RRN3: variants seen among roughly 807,000 people sequenced by gnomAD.
RRN3 encodes RNA polymerase I transcription factor RRN3, also known as RNA polymerase I-specific transcription initiation factor RRN3.
In RRN3, 38 loss-of-function variants were observed where a neutral mutation model predicts 82.3. The observed-to-expected ratio is 0.46, with a 90% CI of 0.36 to 0.61. The LOEUF is 0.61. RRN3 is among the 20% of genes least tolerant of loss of function. RRN3 has a pLI of 0.00. For missense variants in RRN3, 726 were observed against 793.1 expected (o/e 0.92, Z 1.02); for synonymous variants, 284 against 284.3 (o/e 1.00, Z 0.01).
At position 15,083,514 on chromosome 16, in the gene RRN3, A is replaced by G. The variant is rs760852507; in HGVS notation, c.665T>C (p.Leu222Pro). 17 of 1,609,612 alleles carry G rather than the reference A, an allele frequency of 1.1e-5. No individual in the cohort carries two copies. In the South Asian group the frequency reaches 1.6e-4, roughly 15 times the overall value. The change falls in exon 8 of 18, where the codon CTG (leucine) becomes CCG (proline). Residue 222 changes from leucine (L) to proline (P), a missense_variant and splice_region_variant. By Grantham distance (98) the Leu-to-Pro change is moderately conservative. Transcript: ENST00000198767. ...GTTCTCAATGAAAAGATTTCTTACC[A>G]GTGTTCTCTCTGATTTTCGAACAAA... ...FPFVRKSERT[L>P]ECYVHNLLRI...
chr16:15,073,036 T>C lies in RRN3; in HGVS notation c.1042A>G (p.Ile348Val). 1 of 1,613,174 alleles carries C rather than the reference T, an allele frequency of 6.2e-7. No homozygotes were observed. The highest frequency in any genetic ancestry group is 1.1e-5 in the South Asian group (1 of 90,638). ...GKTKDLYRDL[I>V]NIFDKLLLPT... Reference sequence around the variant, plus strand: ...AACAGGAGTTTGTCAAAGATGTTTATCAGGTCGCGATATAGATCCTTTGTT... The same window carrying C: ...AACAGGAGTTTGTCAAAGATGTTTACCAGGTCGCGATATAGATCCTTTGTT... Residue 348 changes from isoleucine to valine, a missense_variant, in exon 12 of 18, where the codon ATA becomes GTA. Physicochemically the swap from Ile to Val is conservative, Grantham distance 29. This residue lies in a region of RRN3 where 344 missense variants were observed against 394.5 expected (regional missense o/e 0.87). Transcript: ENST00000198767.
At position 15,074,738 on chromosome 16, in the gene RRN3, C is replaced by T. The variant is rs200332749; in HGVS notation, c.982G>A (p.Val328Ile). 3.1e-6 allele frequency: 5 copies of T among 1,613,570 alleles called. No homozygotes were observed. Among genetic ancestry groups the T allele is most frequent in the Non-Finnish European group, 4.2e-6 (5 of 1,179,806 alleles). ...MSLVLSYMKD[V>I]CYVDGKVDNG... Reference sequence around the variant, plus strand: ...TGTGATTTACCATCTACATAGCAGACATCCTTCATGTAGGACAAAACCAAA... The same window carrying T: ...TGTGATTTACCATCTACATAGCAGATATCCTTCATGTAGGACAAAACCAAA... The change falls in exon 11 of 18, where the codon GTC becomes ATC. Residue 328 changes from valine (V) to isoleucine (I), a missense_variant. By Grantham distance (29) the Val-to-Ile change is conservative. Coordinates refer to ENST00000198767, the MANE Select transcript of RRN3 (RefSeq NM_018427.5).
chr16:15,065,795 G>A (rs1359333565), intron 15 of RRN3, among the ~76,000 whole-genome samples: 2 of 152,096 alleles, frequency 1.3e-5, no homozygotes, highest in South Asian at 2.1e-4. Flanking sequence ...AGTTACTCAG[G>A]AGGAAATAGT....
intron 1 of RRN3, among the ~76,000 whole-genome samples, chr16:15,092,914 G>A (rs560939875): frequency 1.3e-5 from 2 of 152,090 alleles, no homozygotes; most frequent in East Asian, 1.9e-4. Flanking sequence ...CAGCCATAAC[G>A]TCTTTTCTGC....
intron 12 of RRN3, among the ~76,000 whole-genome samples, chr16:15,072,157 TC>T (rs1235210524): frequency 1.3e-5 from 2 of 151,552 alleles, no homozygotes; most frequent in African/African-American, 4.9e-5. Flanking sequence ...AATTCAACCT[TC>T]TTTCCCATGA....
At chr16:15,063,035 G>C (rs1328284905) in intron 17 of RRN3, among the ~76,000 whole-genome samples, 161 bp downstream of exon 17, 1 of 152,144 alleles carries the variant, frequency 6.6e-6, no homozygotes, top group Non-Finnish European at 1.5e-5. Context: ...GTAGAAACAG[G>C]GTGTCACTGT....
At chr16:15,091,490 A>C (rs1362706061) in intron 2 of RRN3, 119 bp from the exon 3 acceptor site, 9 of 687,150 alleles carry the variant, frequency 1.3e-5, no homozygotes, top group Non-Finnish European at 2.0e-5. Flanking sequence ...TAACTTTCAC[A>C]TGTCAATTGC....
At position 15,094,172 on chromosome 16, in the gene RRN3, A is replaced by T. The variant is rs767852543; in HGVS notation, c.62T>A (p.Val21Asp). Residue 21 changes from valine to aspartate, a missense_variant, in exon 1 of 18, where the codon GTT becomes GAT. Coordinates refer to ENST00000198767, the MANE Select transcript of RRN3 (RefSeq NM_018427.5). Reference sequence around the variant, plus strand: ...AGTCCTCGACGCGCCCAGCTTCTTAACTGCAGAGGACGAAGCGGCCGCATC... The same window carrying T: ...AGTCCTCGACGCGCCCAGCTTCTTATCTGCAGAGGACGAAGCGGCCGCATC... ...PGDAAASSSAVKKLGASRTGI... is the reference protein window; with the variant it reads ...PGDAAASSSADKKLGASRTGI... 2 of 1,602,288 alleles carry T rather than the reference A, an allele frequency of 1.2e-6. No homozygotes were observed. Among genetic ancestry groups the T allele is most frequent in the South Asian group, 2.3e-5 (2 of 88,674 alleles).
chr16:15,083,660 A>C, intron 7 of RRN3, 78 bp from the exon 8 acceptor site: 1 of 1,568,990 alleles, frequency 6.4e-7, no homozygotes, highest in Non-Finnish European at 8.7e-7. Flanking sequence ...TACCATTCTA[A>C]AAGCAAATAT....
rs2045016313 is a variant in RRN3 at position 15,067,175 on chromosome 16, A to G, written c.1553+994T>C. ...ACCAGACGCCTAGCAAAGGAGAACT[A>G]AAGAGGCTGACGGAGCTCAGCAAGC... On this transcript the variant is annotated intron_variant, in intron 15 of 17. Transcript: ENST00000198767. Among the ~76,000 whole-genome samples the G allele has an allele frequency of 2.6e-5, 4 of 151,850 alleles. No individual in the cohort carries two copies. In the South Asian group the frequency reaches 8.3e-4, roughly 32 times the overall value.
intron 17 of RRN3, among the ~76,000 whole-genome samples, 168 bp downstream of exon 17, chr16:15,063,028 G>C (rs1299661699): frequency 1.3e-5 from 2 of 152,156 alleles, no homozygotes; most frequent in East Asian, 1.9e-4. Context: ...AATTTTTGTA[G>C]AAACAGGGTG....
At chr16:15,069,940 A>T (rs908760900) in intron 14 of RRN3, 130 bp downstream of exon 14, 1 of 1,377,614 alleles carries the variant, frequency 7.3e-7, no homozygotes, top group African/African-American at 1.4e-5. Flanking sequence ...AATTATTATT[A>T]AAAGTTTGAG....
intron 4 of RRN3, 45 bp from the exon 5 acceptor site, chr16:15,086,303 A>C: frequency 6.2e-7 from 1 of 1,601,312 alleles, no homozygotes; most frequent in South Asian, 1.1e-5. Flanking sequence ...TATTAATATA[A>C]CATATACTAT....
intron 13 of RRN3, among the ~76,000 whole-genome samples, chr16:15,070,626 C>T (rs541942341): frequency 1.3e-5 from 2 of 152,210 alleles, no homozygotes; most frequent in East Asian, 1.9e-4. Flanking sequence ...CTTCAGTATT[C>T]CCTGATGCAT....
chr16:15,069,398 C>T (rs2045126391), intron 14 of RRN3, among the ~76,000 whole-genome samples: 2 of 152,190 alleles, frequency 1.3e-5, no homozygotes, highest in Admixed American at 6.6e-5. Context: ...TATTCATAAA[C>T]ATAAACAGAA....
intron 3 of RRN3, among the ~76,000 whole-genome samples, chr16:15,090,539 T>G (rs562757931): frequency 1.3e-5 from 2 of 152,330 alleles, no homozygotes; most frequent in South Asian, 4.1e-4. Flanking sequence ...TTCAAGGCTG[T>G]AGTGCACTAT....
At chr16:15,074,340 G>T (rs775215387) in intron 11 of RRN3, among the ~76,000 whole-genome samples, 8 of 152,228 alleles carry the variant, frequency 5.3e-5, no homozygotes, top group Non-Finnish European at 8.8e-5. Flanking sequence ...TACTAACACT[G>T]GCACAACAAT....
At chr16:15,093,394 C>A (rs1471410438) in intron 1 of RRN3, among the ~76,000 whole-genome samples, 1 of 152,284 alleles carries the variant, frequency 6.6e-6, no homozygotes, top group Admixed American at 6.5e-5. Flanking sequence ...CTTCTCCCTC[C>A]CCCATTACCT....
rs1281522706 is a variant in RRN3 at position 15,061,697 on chromosome 16, G to A, written c.*47C>T. On this transcript the variant is annotated 3_prime_UTR_variant, in exon 18 of 18. Coordinates refer to ENST00000198767, the MANE Select transcript of RRN3 (RefSeq NM_018427.5). ...AAGCTGGGTGCTGAGGGCATGACAAGTGATGGGGAATCCCAAATGTCACAT... is the reference window on the plus strand; with the variant it reads ...AAGCTGGGTGCTGAGGGCATGACAAATGATGGGGAATCCCAAATGTCACAT... 1.1e-5 allele frequency: 18 copies of A among 1,574,440 alleles called. No homozygotes were observed. Among genetic ancestry groups the A allele is most frequent in the Non-Finnish European group, 1.6e-5 (18 of 1,148,782 alleles).
Sources: gnomAD v4.1 joint callset for allele counts (sites outside exome capture counted in the v4.1 genomes callset) on GRCh38, gnomAD v4.1.1 for gene constraint, gnomAD v4.1.1 regional missense constraint, MANE v1.5 for transcripts, NCBI Gene and HGNC (gene_info 2026-07-23, HGNC 2026-07-21) for gene names.